MLIP: variants seen among roughly 807,000 people sequenced by gnomAD.
The protein encoded by MLIP is muscular LMNA interacting protein, also known as muscular LMNA-interacting protein.
In MLIP, 79 loss-of-function variants were observed where a neutral mutation model predicts 84.8. That is an observed-to-expected ratio of 0.93 (90% CI 0.78 to 1.12). The LOEUF (loss-of-function observed/expected upper bound fraction) is 1.12. Among genes scored for constraint, MLIP ranks in the 50% most tolerant of loss-of-function variants. MLIP has a pLI of 0.00. For missense variants in MLIP, 1,257 were observed against 1,160.6 expected (o/e 1.08, Z -1.21); for synonymous variants, 504 against 463.0 (o/e 1.09, Z -1.14).
intron 1 of MLIP, among the ~76,000 whole-genome samples, chr6:54,062,256 G>A (rs903435396): frequency 3.3e-5 from 5 of 152,020 alleles, no homozygotes; most frequent in Admixed American, 6.5e-5. Flanking sequence ...TCCTAAATGA[G>A]TTGTTCTTCC....
intron 4 of MLIP, among the ~76,000 whole-genome samples, chr6:54,141,381 A>C (rs1008000032): frequency 1.4e-5 from 2 of 140,908 alleles, no homozygotes; most frequent in African/African-American, 5.6e-5. Context: ...ATCTTGGCTC[A>C]CTGCAACCTC....
chr6:54,257,747 T>G (rs973768198), intron 13 of MLIP, among the ~76,000 whole-genome samples: 1 of 152,056 alleles, frequency 6.6e-6, no homozygotes, highest in Non-Finnish European at 1.5e-5. Context: ...TATCTCATGG[T>G]ATCTCAGTTT....
chr6:54,025,395 A>C (rs535189908), intron 1 of MLIP, among the ~76,000 whole-genome samples: 3 of 152,310 alleles, frequency 2.0e-5, no homozygotes, highest in South Asian at 2.1e-4. Flanking sequence ...ATAAGTAATA[A>C]ATGCAAATTA....
chr6:54,132,966 C>G (rs1471791173), intron 3 of MLIP, among the ~76,000 whole-genome samples: 1 of 152,074 alleles, frequency 6.6e-6, no homozygotes, highest in Admixed American at 6.6e-5. Context: ...ATGGCAGTTG[C>G]TGGGATTGGT....
intron 1 of MLIP, among the ~76,000 whole-genome samples, chr6:54,057,341 A>T (rs1765720790): frequency 6.6e-6 from 1 of 152,200 alleles, no homozygotes; most frequent in Non-Finnish European, 1.5e-5. Context: ...ACTGCATACG[A>T]CTACTGCCCC....
intron 5 of MLIP, among the ~76,000 whole-genome samples, chr6:54,150,584 C>G (rs751406221): frequency 6.6e-6 from 1 of 152,176 alleles, no homozygotes; most frequent in Non-Finnish European, 1.5e-5. Flanking sequence ...AGATGAGGAG[C>G]CTGTTTCATG....
chr6:54,204,953 C>T (rs1778935526), intron 11 of MLIP, among the ~76,000 whole-genome samples: 1 of 152,132 alleles, frequency 6.6e-6, no homozygotes, highest in African/African-American at 2.4e-5. Flanking sequence ...TTGAAAGAAG[C>T]CTAGCATACC....
intron 4 of MLIP, among the ~76,000 whole-genome samples, chr6:54,143,398 G>T (rs913965215): frequency 6.6e-6 from 1 of 151,990 alleles, no homozygotes; most frequent in African/African-American, 2.4e-5. Flanking sequence ...TAGAGACGGG[G>T]TTTCACCACA....
chr6:54,213,762 C>G (rs1052344673), intron 11 of MLIP, among the ~76,000 whole-genome samples: 1 of 131,200 alleles, frequency 7.6e-6, no homozygotes, highest in Non-Finnish European at 1.6e-5. Flanking sequence ...CTTGTATGTA[C>G]GTAATCTGTT....
intron 1 of MLIP, among the ~76,000 whole-genome samples, chr6:54,020,678 T>C (rs1300885540): frequency 6.6e-6 from 1 of 152,244 alleles, no homozygotes; most frequent in African/African-American, 2.4e-5. Context: ...CATGCCTGAC[T>C]CTATCTTGAA....
chr6:54,214,027 T>C (rs1779680842), intron 11 of MLIP, among the ~76,000 whole-genome samples: 1 of 152,160 alleles, frequency 6.6e-6, no homozygotes, highest in Non-Finnish European at 1.5e-5. Context: ...TCCTATCTCT[T>C]TACAGTAAGT....
In MLIP at chr6:54,138,072, C is replaced by G; in HGVS notation, c.2003C>G (p.Pro668Arg). ...RSSSLPHANL[P>R]TLVPQLSPSA... ...TCCTCTCTCCCTCATGCCAATCTGC[C>G]CACCCTGGTGCCCCAGCTCAGTCCC... The change falls in exon 4 of 14, where the codon CCC becomes CGC. Residue 668 changes from proline (P) to arginine (R), a missense_variant. Transcript: ENST00000502396. 6.5e-7 allele frequency: 1 copy of G among 1,536,112 alleles called. No individual in the cohort carries two copies. Among genetic ancestry groups the G allele is most frequent in the Non-Finnish European group, 8.7e-7 (1 of 1,146,896 alleles).
intron 12 of MLIP, 122 bp downstream of exon 12, chr6:54,231,039 T>C: frequency 1.4e-6 from 1 of 698,538 alleles, no homozygotes; most frequent in Non-Finnish European, 2.3e-6. Context: ...AATATCTAAA[T>C]GTATAAAGAA....
chr6:54,028,883 T>C (rs1360810894), intron 1 of MLIP: 1 of 152,190 alleles, frequency 6.6e-6, no homozygotes, highest in Non-Finnish European at 1.5e-5. Context: ...TATACTAAGG[T>C]CTCTTCTTGG....
chr6:54,217,015 C>T, intron 11 of MLIP: 1 of 985,378 alleles, frequency 1.0e-6, no homozygotes, highest in Non-Finnish European at 1.2e-6. Context: ...TGATTTTAAA[C>T]TGCTGTAAGT....
At chr6:54,051,565 G>C (rs570679565) in intron 1 of MLIP, among the ~76,000 whole-genome samples, 1 of 152,084 alleles carries the variant, frequency 6.6e-6, no homozygotes, top group South Asian at 2.1e-4. Flanking sequence ...GTCCCTCCCA[G>C]ACCTTAATTA....
At chr6:54,254,466 C>A (rs1018758879) in intron 12 of MLIP, among the ~76,000 whole-genome samples, 1 of 152,018 alleles carries the variant, frequency 6.6e-6, no homozygotes, top group African/African-American at 2.4e-5. Flanking sequence ...TCCATTCTGA[C>A]TGGCAAAATT....
intron 1 of MLIP, among the ~76,000 whole-genome samples, chr6:54,116,234 C>G (rs1438951717): frequency 6.6e-6 from 1 of 152,096 alleles, no homozygotes; most frequent in African/African-American, 2.4e-5. Flanking sequence ...TGTCATATTT[C>G]TTCTGACAGG....
In MLIP at chr6:54,137,667, G is replaced by A; in HGVS notation, c.1598G>A (p.Ser533Asn). Residue 533 changes from serine to asparagine, a missense_variant, in exon 4 of 14, where the codon AGC becomes AAC. By Grantham distance (46) the Ser-to-Asn change is conservative. Transcript: ENST00000502396. ...AGAACACCATCACCTACTTTGAAGAGCAATACCATGCTCTCCCTGCTACAA... is the reference window on the plus strand; with the variant it reads ...AGAACACCATCACCTACTTTGAAGAACAATACCATGCTCTCCCTGCTACAA... Reference protein sequence around the residue: ...VERTPSPTLKSNTMLSLLQTS... With the variant: ...VERTPSPTLKNNTMLSLLQTS... 6.5e-7 allele frequency: 1 copy of A among 1,536,056 alleles called. No individual in the cohort carries two copies. The highest frequency in any genetic ancestry group is 8.7e-7 in the Non-Finnish European group (1 of 1,146,894).
Sources: allele counts gnomAD v4.1 joint callset (sites outside exome capture counted in the v4.1 genomes callset), GRCh38; gene constraint gnomAD v4.1.1; transcripts MANE v1.5; gene names NCBI Gene and HGNC (gene_info 2026-07-23, HGNC 2026-07-21).